Variants in PLEKHA5 observed in about 807,000 individuals in gnomAD.
PLEKHA5 encodes pleckstrin homology domain-containing family A member 5.
PLEKHA5 carries 55 observed loss-of-function variants against 181.9 expected under a neutral mutation model. The ratio of observed to expected loss-of-function variants is 0.30; its 90% CI spans 0.24 to 0.38. The LOEUF is 0.38. PLEKHA5 is among the 10% of genes least tolerant of loss of function. The probability of loss-of-function intolerance (pLI) is 1.00; values close to 1 mark genes in which losing one functional copy is unlikely to be tolerated. For synonymous variants in PLEKHA5, 535 were observed against 529.4 expected (o/e 1.01, Z -0.15); for missense variants, 1,432 against 1,549.5 (o/e 0.92, Z 1.27).
intron 21 of PLEKHA5, among the ~76,000 whole-genome samples, chr12:19,336,819 TG>T (rs2093462050): frequency 6.6e-6 from 1 of 152,064 alleles, no homozygotes; most frequent in African/African-American, 2.4e-5. Context: ...TTTGTTCTGT[TG>T]GGCACATGGT....
At chr12:19,365,699 G>C (rs986299479) in intron 29 of PLEKHA5, among the ~76,000 whole-genome samples, 2 of 152,144 alleles carry the variant, frequency 1.3e-5, no homozygotes, top group African/African-American at 4.8e-5. Context: ...ATCATATGTA[G>C]AATCTGCTTT....
At chr12:19,310,480 G>A (rs1158320542) in intron 15 of PLEKHA5, among the ~76,000 whole-genome samples, 2 of 151,462 alleles carry the variant, frequency 1.3e-5, no homozygotes, top group Non-Finnish European at 1.5e-5. Context: ...TGTGGTGGTG[G>A]GCACCTGTAA....
At chr12:19,367,718 T>C (rs2095470081) in intron 30 of PLEKHA5, among the ~76,000 whole-genome samples, 1 of 151,922 alleles carries the variant, frequency 6.6e-6, no homozygotes, top group Admixed American at 6.6e-5. Context: ...TAGCTGGGAC[T>C]GTAGGTGTCC....
chr12:19,345,386 C>T (rs1436938433), intron 22 of PLEKHA5, among the ~76,000 whole-genome samples: 14 of 142,974 alleles, frequency 9.8e-5, no homozygotes, highest in Non-Finnish European at 2.0e-4. Context: ...GGCGACAGAG[C>T]GAAACTCTGT....
chr12:19,168,703 A>T (rs1402910018), intron 3 of PLEKHA5, among the ~76,000 whole-genome samples: 2 of 151,854 alleles, frequency 1.3e-5, no homozygotes, highest in Non-Finnish European at 3.0e-5. Flanking sequence ...CAGCAATAAG[A>T]AAGGGCTCTT....
chr12:19,179,529 A>G (rs889887600), intron 3 of PLEKHA5, among the ~76,000 whole-genome samples: 1 of 152,070 alleles, frequency 6.6e-6, no homozygotes, highest in Admixed American at 6.5e-5. Context: ...GCGTGGTGGC[A>G]CATACCTGTA....
At chr12:19,328,571 G>A (rs1175194178) in intron 20 of PLEKHA5, among the ~76,000 whole-genome samples, 1 of 149,632 alleles carries the variant, frequency 6.7e-6, no homozygotes, top group African/African-American at 2.5e-5. Context: ...GTGTGTGTGT[G>A]TGTGTGTGTG....
At chr12:19,170,750 A>G (rs1159359676) in intron 3 of PLEKHA5, among the ~76,000 whole-genome samples, 1 of 152,160 alleles carries the variant, frequency 6.6e-6, no homozygotes, top group Non-Finnish European at 1.5e-5. Context: ...CTGACTTATC[A>G]TTCTTCATTT....
intron 15 of PLEKHA5, chr12:19,307,594 C>G: frequency 6.2e-6 from 2 of 324,302 alleles, no homozygotes; most frequent in South Asian, 3.6e-5. Context: ...AGGAGGAGGA[C>G]TCTCATCTTC....
At position 19,376,173 on chromosome 12, in the gene PLEKHA5, G is replaced by T. The variant is rs745610531; in HGVS notation, c.*654G>T. The stretch of plus-strand genomic sequence containing the variant: ...TAAAAAAAAAAAAAACAAAGTGTAG[G>T]TATTTTGAAGTACTGGGCTTATATT... On this transcript the variant is annotated 3_prime_UTR_variant, in exon 32 of 32. Coordinates refer to ENST00000429027, the MANE Select transcript of PLEKHA5 (RefSeq NM_001256470.2). 3.3e-5 allele frequency: 5 copies of T among 151,776 alleles called. No individual in the cohort carries two copies. The highest frequency in any genetic ancestry group is 7.4e-5 in the Non-Finnish European group (5 of 67,922). 9.4% of individuals were successfully genotyped at this position (151,776 alleles called of 1,614,324 possible). A position where few individuals can be genotyped will look rare whatever the true frequency, so the allele number is the denominator to read the frequency against.
At chr12:19,343,586 A>G in intron 22 of PLEKHA5, 152 bp downstream of exon 22, 1 of 639,438 alleles carries the variant, frequency 1.6e-6, no homozygotes, top group Non-Finnish European at 2.9e-6. Context: ...ATGGCCTACT[A>G]CACACCTAGG....
chr12:19,321,150 C>T (rs2090593065), intron 18 of PLEKHA5, among the ~76,000 whole-genome samples: 1 of 149,226 alleles, frequency 6.7e-6, no homozygotes, highest in Admixed American at 6.7e-5. Context: ...TGGGTTATGG[C>T]GTGAGACCCT....
intron 3 of PLEKHA5, among the ~76,000 whole-genome samples, chr12:19,210,958 C>A (rs1169957590): frequency 2.0e-5 from 3 of 151,942 alleles, no homozygotes; most frequent in African/African-American, 7.2e-5. Context: ...TAAATTTTAA[C>A]AATGACATTC....
chr12:19,304,459 T>C (rs905533938), intron 15 of PLEKHA5, among the ~76,000 whole-genome samples: 2 of 152,222 alleles, frequency 1.3e-5, no homozygotes, highest in Non-Finnish European at 2.9e-5. Context: ...TATTTGTGTT[T>C]ACTTAGTTTG....
intron 3 of PLEKHA5, among the ~76,000 whole-genome samples, chr12:19,214,376 A>C (rs2152233049): frequency 6.6e-6 from 1 of 152,190 alleles, no homozygotes; most frequent in East Asian, 1.9e-4. Flanking sequence ...TTAAGATTAC[A>C]GTTAATGGAG....
intron 8 of PLEKHA5, among the ~76,000 whole-genome samples, chr12:19,266,366 C>G (rs1191077262): frequency 2.0e-5 from 3 of 151,196 alleles, no homozygotes. Context: ...GGTGGCTAGT[C>G]CCAGCTACTT....
intron 15 of PLEKHA5, among the ~76,000 whole-genome samples, chr12:19,312,669 T>C (rs2086988246): frequency 6.6e-6 from 1 of 152,234 alleles, no homozygotes; most frequent in Admixed American, 6.5e-5. Flanking sequence ...CTTAAGGGAA[T>C]GTTGTGACTG....
At chr12:19,189,926 A>C (rs1029104892) in intron 3 of PLEKHA5, among the ~76,000 whole-genome samples, 1 of 152,126 alleles carries the variant, frequency 6.6e-6, no homozygotes, top group Non-Finnish European at 1.5e-5. Context: ...CCCACTTTCT[A>C]TTCTTGATCT....
At chr12:19,293,709 A>G (rs1289861805) in intron 15 of PLEKHA5, among the ~76,000 whole-genome samples, 1 of 152,226 alleles carries the variant, frequency 6.6e-6, no homozygotes, top group Non-Finnish European at 1.5e-5. Context: ...AAACTTGCAG[A>G]GACATAGAAC....
Sources: gnomAD v4.1 joint callset for allele counts (sites outside exome capture counted in the v4.1 genomes callset) on GRCh38, gnomAD v4.1.1 for gene constraint, MANE v1.5 for transcripts, NCBI Gene and HGNC (gene_info 2026-07-23, HGNC 2026-07-21) for gene names.